Variants in FCGR3A observed in about 807,000 individuals in gnomAD.
FCGR3A encodes Fc gamma receptor IIIa.
FCGR3A carries 13 observed loss-of-function variants against 24.1 expected under a neutral mutation model. The observed-to-expected ratio is 0.54, with a 90% CI of 0.35 to 0.86. The LOEUF is 0.86. FCGR3A is among the 40% of genes least tolerant of loss of function. The probability of loss-of-function intolerance (pLI) is 0.01; values close to 1 mark genes in which losing one functional copy is unlikely to be tolerated. For missense variants in FCGR3A, 235 were observed against 298.0 expected (o/e 0.79, Z 1.56); for synonymous variants, 93 against 112.2 (o/e 0.83, Z 1.08).
upstream of FCGR3A, chr1:161,549,945 G>C (rs896976035): frequency 1.2e-5 from 17 of 1,387,110 alleles, no homozygotes; most frequent in Non-Finnish European, 1.6e-5. Flanking sequence ...AGGAAGGAAA[G>C]AGCCTGGAGG....
At position 161,548,630 on chromosome 1, in the gene FCGR3A, A is replaced by T. The variant is rs2102533731; in HGVS notation, c.110T>A (p.Val37Glu). The T allele has an allele frequency of 6.2e-7, 1 of 1,613,902 alleles. No individual in the cohort carries two copies. Among genetic ancestry groups the T allele is most frequent in the Non-Finnish European group, 8.5e-7 (1 of 1,179,826 alleles). The change falls in exon 3 of 5, where the codon GTG becomes GAG. Residue 37 changes from valine to glutamate, a missense_variant. Transcript: ENST00000443193. ...CAGAGTCACACTGTCCTTCTCGAGC[A>T]CCCTGTACCATTGAGGCTCCAGGAA... ...VVFLEPQWYR[V>E]LEKDSVTLKC... is the part of the protein sequence containing the mutation.
rs886163260 is a variant in FCGR3A at position 161,546,214 on chromosome 1, C to T, written c.320-1256G>A. On this transcript the variant is annotated intron_variant, in intron 3 of 4. Transcript: ENST00000443193. ...ATCTTCATTACCTATTAAGAGATATCATTTATCAAAAGAAGCCATGTGCCT... is the reference window on the plus strand; with the variant it reads ...ATCTTCATTACCTATTAAGAGATATTATTTATCAAAAGAAGCCATGTGCCT... Among the ~76,000 whole-genome samples the T allele has an allele frequency of 4.4e-4, 67 of 152,136 alleles. 1 individual carries two copies. Among genetic ancestry groups the T allele is most frequent in the African/African-American group, 1.6e-3 (65 of 41,472 alleles).
At chr1:161,547,938 C>T (rs1215846163) in intron 3 of FCGR3A, among the ~76,000 whole-genome samples, 16 of 152,410 alleles carry the variant, frequency 1.0e-4, no homozygotes, top group African/African-American at 3.4e-4. Context: ...GGCGTGGTGG[C>T]GGGTGCCTGT....
intron 3 of FCGR3A, among the ~76,000 whole-genome samples, chr1:161,547,304 C>T (rs550130057): frequency 6.6e-6 from 1 of 152,136 alleles, no homozygotes; most frequent in Non-Finnish European, 1.5e-5. Flanking sequence ...GTTTCAGAGG[C>T]CCAATTCCAT....
intron 1 of FCGR3A, 72 bp from the exon 2 acceptor site, chr1:161,549,103 T>G: frequency 7.4e-7 from 1 of 1,346,314 alleles, no homozygotes; most frequent in Non-Finnish European, 1.0e-6. Context: ...AGAGTGAGTT[T>G]AAAACTCCCC....
In FCGR3A at chr1:161,548,497, G is replaced by A. The variant is rs17853190; in HGVS notation, c.243C>T (p.Val81=). The A allele has an allele frequency of 4.2e-5, 68 of 1,614,010 alleles. No individual in the cohort carries two copies. Among genetic ancestry groups the A allele is most frequent in the African/African-American group, 2.5e-4 (19 of 75,046 alleles). ...ASSYFIDAAT[V]DDSGEYRCQT... ...GGCACCTGTACTCTCCACTGTCGTCGACTGTGGCAGCGTCAATGAAGTAGC... is the reference window on the plus strand; with the variant it reads ...GGCACCTGTACTCTCCACTGTCGTCAACTGTGGCAGCGTCAATGAAGTAGC... Residue 81 remains valine (V), a synonymous_variant, in exon 3 of 5, where the codon GTC becomes GTT. Transcript: ENST00000443193.
intron 4 of FCGR3A, among the ~76,000 whole-genome samples, chr1:161,543,801 A>G (rs544679280): frequency 7.9e-5 from 12 of 152,406 alleles, no homozygotes; most frequent in African/African-American, 2.6e-4. Context: ...CTGCCTTTCT[A>G]CATGCAAATT....
chr1:161,546,525 A>T (rs1228394801), intron 3 of FCGR3A, among the ~76,000 whole-genome samples: 3 of 152,102 alleles, frequency 2.0e-5, no homozygotes, highest in Non-Finnish European at 4.4e-5. Context: ...AATAATCACA[A>T]TACAATATGA....
At chr1:161,548,722 A>C (rs367728739) in intron 2 of FCGR3A, 44 bp from the exon 3 acceptor site, 1 of 1,613,122 alleles carries the variant, frequency 6.2e-7, no homozygotes, top group Non-Finnish European at 8.5e-7. Flanking sequence ...GGAGAGGAGC[A>C]GGCTCTACAC....
chr1:161,545,008 G>A, intron 3 of FCGR3A, 50 bp from the exon 4 acceptor site: 1 of 1,595,830 alleles, frequency 6.3e-7, no homozygotes, highest in South Asian at 1.1e-5. Flanking sequence ...TCTCAGTGCA[G>A]AGCTTTGTGA....
intron 3 of FCGR3A, among the ~76,000 whole-genome samples, chr1:161,547,652 A>T (rs1449042415): frequency 6.6e-6 from 1 of 152,226 alleles, no homozygotes; most frequent in East Asian, 1.9e-4. Context: ...TATAGCATTG[A>T]TGAGGAGACA....
At chr1:161,546,215 A>G (rs1270828662) in intron 3 of FCGR3A, among the ~76,000 whole-genome samples, 2 of 152,090 alleles carry the variant, frequency 1.3e-5, no homozygotes, top group African/African-American at 4.8e-5. Flanking sequence ...AAGAGATATC[A>G]TTTATCAAAA....
chr1:161,548,139 C>T (rs1338651958), intron 3 of FCGR3A, among the ~76,000 whole-genome samples: 6 of 152,390 alleles, frequency 3.9e-5, no homozygotes, highest in African/African-American at 1.4e-4. Flanking sequence ...ATGCCATGGC[C>T]TAACCTTCAC....
At position 161,541,767 on chromosome 1, in the gene FCGR3A, T is replaced by C. The variant is rs1184695288; in HGVS notation, c.*1245A>G. On this transcript the variant is annotated 3_prime_UTR_variant, in exon 5 of 5. Coordinates refer to ENST00000443193, the MANE Select transcript of FCGR3A (RefSeq NM_000569.8). The stretch of plus-strand genomic sequence containing the variant: ...AAGGGAAGAAGAAAGAATTTTATCA[T>C]TCATATTTTATTACCATGGTTTTCC... 1 of 152,250 alleles carries C rather than the reference T, an allele frequency of 6.6e-6. No homozygotes were observed. The highest frequency in any genetic ancestry group is 2.4e-5 in the African/African-American group (1 of 41,388). The allele number at this position is 152,250 out of a possible 1,614,324, so 9.4% of individuals were successfully genotyped here.
intron 3 of FCGR3A, among the ~76,000 whole-genome samples, chr1:161,546,730 C>A (rs562563062): frequency 3.9e-5 from 6 of 151,942 alleles, no homozygotes; most frequent in Middle Eastern, 3.4e-3. Context: ...GCTGCGAAAC[C>A]CTGTCTCTAC....
chr1:161,549,368 G>A (rs55663142), intron 1 of FCGR3A, among the ~76,000 whole-genome samples: 50 of 149,338 alleles, frequency 3.3e-4, no homozygotes, highest in African/African-American at 9.2e-4. Context: ...GGTAGAAATT[G>A]AAAATCATAG....
intron 3 of FCGR3A, among the ~76,000 whole-genome samples, chr1:161,546,935 A>C (rs1677438960): frequency 6.6e-6 from 1 of 151,916 alleles, no homozygotes; most frequent in Admixed American, 6.6e-5. Context: ...ACACAAACAA[A>C]CAAACAAAAA....
chr1:161,546,085 G>C (rs1677381195), intron 3 of FCGR3A, among the ~76,000 whole-genome samples: 2 of 152,000 alleles, frequency 1.3e-5, no homozygotes. Flanking sequence ...TTCTCAGCTT[G>C]AATTACTATA....
At chr1:161,546,788 C>A (rs547296546) in intron 3 of FCGR3A, among the ~76,000 whole-genome samples, 62 of 151,968 alleles carry the variant, frequency 4.1e-4, no homozygotes, top group Non-Finnish European at 7.5e-4. Context: ...ACCTGTAGTC[C>A]CAGCTACTTG....
Sources: gnomAD v4.1 joint callset for allele counts (sites outside exome capture counted in the v4.1 genomes callset) on GRCh38, gnomAD v4.1.1 for gene constraint, MANE v1.5 for transcripts, NCBI Gene and HGNC (gene_info 2026-07-23, HGNC 2026-07-21) for gene names.